XKR9: variants seen among roughly 807,000 people sequenced by gnomAD.
The protein encoded by XKR9 is XK related 9.
XKR9 carries 32 observed loss-of-function variants against 32.0 expected under a neutral mutation model. The ratio of observed to expected loss-of-function variants is 1.00; its 90% CI spans 0.76 to 1.34. The LOEUF (loss-of-function observed/expected upper bound fraction) is 1.34. Among genes scored for constraint, XKR9 ranks in the 40% most tolerant of loss-of-function variants. XKR9 has a pLI of 0.00. For synonymous variants in XKR9, 168 were observed against 143.4 expected, an observed-to-expected ratio of 1.17 and a Z score of -1.22; for missense variants, 546 against 429.7, an observed-to-expected ratio of 1.27 and a Z score of -2.39.
chr8:70,730,091 G>A (rs1010318884), intron 4 of XKR9, among the ~76,000 whole-genome samples: 3 of 152,158 alleles, frequency 2.0e-5, no homozygotes, highest in African/African-American at 4.8e-5. Flanking sequence ...ACTCTGAAGA[G>A]TTTTAGTTTT....
the XKR9 span, among the ~76,000 whole-genome samples, chr8:70,869,097 T>C: frequency 6.6e-6 from 1 of 152,258 alleles, no homozygotes; most frequent in East Asian, 1.9e-4. Context: ...AACAAGTCTC[T>C]TGGGAGTTCT....
At chr8:70,813,649 C>T in the XKR9 span, among the ~76,000 whole-genome samples, 1,193 of 152,272 alleles carry the variant, frequency 7.8e-3, 13 homozygotes, top group African/African-American at 0.027. Flanking sequence ...ACAGACACTT[C>T]TTCAAAAGAA....
At chr8:70,992,335 G>A in the XKR9 span, among the ~76,000 whole-genome samples, 3 of 152,136 alleles carry the variant, frequency 2.0e-5, no homozygotes, top group Admixed American at 1.3e-4. Context: ...TAAGAAATTA[G>A]GATAGGTACC....
rs970919159 is a variant in XKR9, at chr8:70,756,770, C to T, written n.353-32569C>T. Among the ~76,000 whole-genome samples, 11 of 152,158 alleles carry T rather than the reference C, an allele frequency of 7.2e-5. No individual in the cohort carries two copies. In the South Asian group the frequency reaches 8.3e-4, roughly 11 times the overall value. Reference sequence around the variant, plus strand: ...TTTTTGGGCTACTTTAAGATTTCTACATATAAGATCATGTCATCTGCAAAT... The same window carrying T: ...TTTTTGGGCTACTTTAAGATTTCTATATATAAGATCATGTCATCTGCAAAT... On this transcript the variant is annotated intron_variant and non_coding_transcript_variant, in intron 2 of 3. Coordinates refer to the XKR9 transcript ENST00000520273.
At chr8:71,021,271 G>C in the XKR9 span, among the ~76,000 whole-genome samples, 1 of 152,140 alleles carries the variant, frequency 6.6e-6, no homozygotes, top group African/African-American at 2.4e-5. Flanking sequence ...TGGGGATCAT[G>C]ATTAGTGATG....
the XKR9 span, among the ~76,000 whole-genome samples, chr8:71,030,933 G>T: frequency 3.3e-5 from 5 of 152,050 alleles, no homozygotes; most frequent in African/African-American, 1.2e-4. Flanking sequence ...TAGTATCAAG[G>T]GTACATTTAC....
At chr8:70,738,634 G>A (rs142035276), downstream of XKR9, among the ~76,000 whole-genome samples, 3,895 of 151,986 alleles carry the variant, frequency 0.026, 61 homozygotes, top group Middle Eastern at 0.048. Context: ...TCTATACACT[G>A]CCTTGAATGT....
the XKR9 span, among the ~76,000 whole-genome samples, chr8:70,871,480 T>A: frequency 6.6e-6 from 1 of 152,196 alleles, no homozygotes; most frequent in Admixed American, 6.5e-5. Context: ...TATTTCAAAC[T>A]TTTTCATTAT....
the XKR9 span, among the ~76,000 whole-genome samples, chr8:70,972,437 C>T: frequency 4.6e-5 from 7 of 152,028 alleles, no homozygotes; most frequent in African/African-American, 1.2e-4. Flanking sequence ...TCCTATTTAC[C>T]GATTTGGGTG....
At chr8:70,898,778 G>C in the XKR9 span, among the ~76,000 whole-genome samples, 2 of 151,862 alleles carry the variant, frequency 1.3e-5, no homozygotes, top group African/African-American at 4.8e-5. Context: ...ATTTACAATG[G>C]ATATTTTCAC....
At chr8:71,029,013 A>G in the XKR9 span, among the ~76,000 whole-genome samples, 1 of 152,096 alleles carries the variant, frequency 6.6e-6, no homozygotes, top group Non-Finnish European at 1.5e-5. Flanking sequence ...CTGAGTCCAT[A>G]TTCCTCTGGC....
intron 2 of XKR9, among the ~76,000 whole-genome samples, chr8:70,774,424 C>G (rs1312617995): frequency 6.6e-6 from 1 of 152,162 alleles, no homozygotes; most frequent in African/African-American, 2.4e-5. Flanking sequence ...ATTACAGGGA[C>G]TAGCCACTGC....
chr8:70,860,546 A>G, the XKR9 span, among the ~76,000 whole-genome samples: 1 of 152,054 alleles, frequency 6.6e-6, no homozygotes, highest in Non-Finnish European at 1.5e-5. Flanking sequence ...TATAATATTC[A>G]TTTTTTATAT....
the XKR9 span, among the ~76,000 whole-genome samples, chr8:70,833,980 G>A: frequency 3.0e-4 from 45 of 152,186 alleles, no homozygotes; most frequent in South Asian, 8.3e-4. Context: ...ACAAAAATAC[G>A]TAAAGAGTAA....
the XKR9 span, among the ~76,000 whole-genome samples, chr8:71,038,570 G>A: frequency 2.2e-4 from 33 of 150,954 alleles, no homozygotes; most frequent in African/African-American, 7.8e-4. Flanking sequence ...CACCCACCTC[G>A]GCATCCAAAA....
intron 3 of XKR9, among the ~76,000 whole-genome samples, chr8:70,698,317 C>T (rs1431600077): frequency 1.3e-5 from 2 of 152,072 alleles, no homozygotes; most frequent in Non-Finnish European, 2.9e-5. Flanking sequence ...CTCTTGTGGG[C>T]ATTTAGTGCT....
the XKR9 span, among the ~76,000 whole-genome samples, chr8:70,803,479 G>C: frequency 6.6e-6 from 1 of 152,262 alleles, no homozygotes; most frequent in East Asian, 1.9e-4. Context: ...ATTATTGCTG[G>C]GGAACTAGTG....
chr8:70,984,952 A>G, the XKR9 span, among the ~76,000 whole-genome samples: 1 of 152,222 alleles, frequency 6.6e-6, no homozygotes, highest in South Asian at 2.1e-4. Context: ...AAGACAATTT[A>G]TATGTTAGAC....
At chr8:70,789,211 A>C (rs1018718735) in intron 2 of XKR9, 5 of 152,090 alleles carry the variant, frequency 3.3e-5, no homozygotes, top group African/African-American at 9.7e-5. Flanking sequence ...AGTATAAGAA[A>C]AAGAAAAAAT....
Sources: gnomAD v4.1 joint callset for allele counts (sites outside exome capture counted in the v4.1 genomes callset) on GRCh38, gnomAD v4.1.1 for gene constraint, MANE v1.5 for transcripts, NCBI Gene and HGNC (gene_info 2026-07-23, HGNC 2026-07-21) for gene names.